CHST9: variants seen among roughly 807,000 people sequenced by gnomAD.
CHST9 encodes the protein carbohydrate sulfotransferase 9.
Under a neutral mutation model 44.4 loss-of-function variants are expected in CHST9, and 41 were observed. The observed-to-expected ratio is 0.92, with a 90% CI of 0.72 to 1.20. The LOEUF (loss-of-function observed/expected upper bound fraction) is 1.20. Ranked by LOEUF, CHST9 falls within the 50% of genes most tolerant of loss-of-function variation. CHST9 has a pLI of 0.00. For missense variants in CHST9, 504 were observed against 516.5 expected (o/e 0.98, Z 0.23); for synonymous variants, 171 against 178.4 (o/e 0.96, Z 0.33).
At chr18:27,161,957 C>A (rs2058750785) in intron 1 of CHST9, among the ~76,000 whole-genome samples, 1 of 151,540 alleles carries the variant, frequency 6.6e-6, no homozygotes, top group Non-Finnish European at 1.5e-5. Context: ...TTTCCATTTG[C>A]TTGGTAGATC....
intron 2 of CHST9, among the ~76,000 whole-genome samples, chr18:27,055,405 GTGGTAGGGTTT>G (rs2057643319): frequency 6.6e-6 from 1 of 152,124 alleles, no homozygotes; most frequent in African/African-American, 2.4e-5. Context: ...AAAGTGGAAG[GTGGTAGGGTTT>G]TGGTTCTGTT....
chr18:26,989,536 T>G (rs1333374602), intron 4 of CHST9, among the ~76,000 whole-genome samples: 2 of 152,188 alleles, frequency 1.3e-5, no homozygotes, highest in African/African-American at 4.8e-5. Context: ...CTTAAAAAAT[T>G]AAACATATAA....
At position 26,916,365 on chromosome 18, in the gene CHST9, A is replaced by C. The variant is rs771813887; in HGVS notation, c.1226T>G (p.Val409Gly). Residue 409 changes from valine (V) to glycine (G), a missense_variant, in exon 6 of 6, where the codon GTC becomes GGC. Transcript: ENST00000618847. ...HSSDERTNAQ[V>G]VRQYLKDLTR... ...CAGATCCTTTAAATACTGTCTCACGACTTGAGCATTGGTTCTTTCATCGGA... is the reference window on the plus strand; with the variant it reads ...CAGATCCTTTAAATACTGTCTCACGCCTTGAGCATTGGTTCTTTCATCGGA... 1 of 1,613,654 alleles carries C rather than the reference A, an allele frequency of 6.2e-7. No homozygotes were observed. Among genetic ancestry groups the C allele is most frequent in the South Asian group, 1.1e-5 (1 of 91,084 alleles).
At chr18:27,169,403 G>A (rs1388571562) in intron 1 of CHST9, among the ~76,000 whole-genome samples, 1 of 151,844 alleles carries the variant, frequency 6.6e-6, no homozygotes, top group African/African-American at 2.4e-5. Context: ...AAAATATAAG[G>A]CAAAAATTGA....
rs1187254232 is a variant in CHST9, at chr18:26,910,714, C to T, written c.*5545G>A. The T allele has an allele frequency of 6.6e-6, 1 of 152,188 alleles. No individual in the cohort carries two copies. Among genetic ancestry groups the T allele is most frequent in the Non-Finnish European group, 1.5e-5 (1 of 68,036 alleles). The allele number at this position is 152,188 out of a possible 1,614,324, so 9.4% of individuals were successfully genotyped here. A position where few individuals can be genotyped will look rare whatever the true frequency, so the allele number is the denominator to read the frequency against. On this transcript the variant is annotated 3_prime_UTR_variant, in exon 6 of 6. Transcript: ENST00000618847. ...GTGGGCTGCCAATGTATGGTCTCAGCTTTGGAGCCAGAGAGACTGTTATTA... is the reference window on the plus strand; with the variant it reads ...GTGGGCTGCCAATGTATGGTCTCAGTTTTGGAGCCAGAGAGACTGTTATTA...
chr18:26,985,040 A>G (rs549544923), intron 4 of CHST9, among the ~76,000 whole-genome samples: 22 of 152,226 alleles, frequency 1.4e-4, no homozygotes, highest in Non-Finnish European at 2.9e-4. Flanking sequence ...CATGTTCACC[A>G]AAAGATATTT....
chr18:27,166,032 G>A lies in CHST9; in HGVS notation c.-97+19104C>T, dbSNP rs572084390. Among the ~76,000 whole-genome samples the A allele has an allele frequency of 1.6e-3, 237 of 152,274 alleles. 1 individual carries two copies. The highest frequency in any genetic ancestry group is 2.7e-3 in the South Asian group (13 of 4,828). On this transcript the variant is annotated intron_variant, in intron 1 of 5. Transcript: ENST00000618847. ...AGGCTTCACAATCCTGGCTTCCACA[G>A]TGGTAATCATTGCTTTTTCAACCTT...
chr18:26,934,503 G>A (rs2055949298), intron 5 of CHST9: 1 of 152,192 alleles, frequency 6.6e-6, no homozygotes, highest in Admixed American at 6.6e-5. Context: ...CAAAGTGCTG[G>A]GATTACAGGC....
chr18:26,961,459 T>C (rs2056399018), intron 4 of CHST9, among the ~76,000 whole-genome samples: 2 of 152,140 alleles, frequency 1.3e-5, no homozygotes, highest in African/African-American at 2.4e-5. Flanking sequence ...TGACAGCAAC[T>C]GGCTCCATTG....
rs147784116 is a variant in CHST9, at chr18:27,016,856, T to C, written c.202+7260A>G. Among the ~76,000 whole-genome samples, 1,442 of 152,338 alleles carry C rather than the reference T, an allele frequency of 9.5e-3. 21 individuals carry two copies. Among genetic ancestry groups the C allele is most frequent in the African/African-American group, 0.033 (1,379 of 41,582 alleles). On this transcript the variant is annotated intron_variant, in intron 4 of 5. Coordinates refer to ENST00000618847, the MANE Select transcript of CHST9 (RefSeq NM_031422.6). ...TGATTTACAGTATTGAATCACTGTA[T>C]GCAATACATAATATTATTAGGAGAG...
intron 4 of CHST9, among the ~76,000 whole-genome samples, chr18:26,997,197 A>G (rs2056896664): frequency 6.6e-6 from 1 of 152,368 alleles, no homozygotes; most frequent in East Asian, 1.9e-4. Flanking sequence ...CTATTAATCA[A>G]TAAATGTTGG....
chr18:27,154,996 C>G (rs2058687272), intron 1 of CHST9, among the ~76,000 whole-genome samples: 1 of 151,150 alleles, frequency 6.6e-6, no homozygotes. Flanking sequence ...GCATGAGAAT[C>G]CCTTGAGCCT....
chr18:27,104,996 T>A (rs1384738566), intron 2 of CHST9, among the ~76,000 whole-genome samples: 1 of 152,160 alleles, frequency 6.6e-6, no homozygotes, highest in Non-Finnish European at 1.5e-5. Context: ...CGCCTTCCAG[T>A]AATTTATGGA....
At chr18:27,046,883 T>C (rs935973168) in intron 3 of CHST9, among the ~76,000 whole-genome samples, 1 of 152,066 alleles carries the variant, frequency 6.6e-6, no homozygotes, top group Admixed American at 6.6e-5. Context: ...TAGGGCAAAT[T>C]AGTAAAAATT....
At chr18:27,059,885 A>G (rs1268451696) in intron 2 of CHST9, among the ~76,000 whole-genome samples, 1 of 152,268 alleles carries the variant, frequency 6.6e-6, no homozygotes, top group Non-Finnish European at 1.5e-5. Flanking sequence ...GGAAGCCGAT[A>G]TTTCATGGAT....
chr18:26,959,869 G>A (rs1277530087), intron 4 of CHST9, among the ~76,000 whole-genome samples: 1 of 152,138 alleles, frequency 6.6e-6, no homozygotes, highest in African/African-American at 2.4e-5. Context: ...GAGGATGGGG[G>A]ATCCTGGCAA....
At chr18:27,160,020 G>C (rs1397729697) in intron 1 of CHST9, among the ~76,000 whole-genome samples, 1 of 152,174 alleles carries the variant, frequency 6.6e-6, no homozygotes, top group East Asian at 1.9e-4. Context: ...CTGAGACAAT[G>C]GGGTTTTCTA....
intron 4 of CHST9, among the ~76,000 whole-genome samples, chr18:26,962,568 G>A (rs1188164874): frequency 6.6e-6 from 1 of 152,184 alleles, no homozygotes; most frequent in Admixed American, 6.5e-5. Flanking sequence ...TGGGATTACA[G>A]GTGTGAGCCA....
intron 1 of CHST9, among the ~76,000 whole-genome samples, chr18:27,179,100 C>CTATATA (rs752919033): frequency 1.7e-5 from 2 of 118,814 alleles, no homozygotes; most frequent in African/African-American, 6.4e-5. Flanking sequence ...CTCTCTCTCT[C>CTATATA]TCTCTATATA....
Sources: allele counts gnomAD v4.1 joint callset (sites outside exome capture counted in the v4.1 genomes callset), GRCh38; gene constraint gnomAD v4.1.1; transcripts MANE v1.5; gene names NCBI Gene and HGNC (gene_info 2026-07-23, HGNC 2026-07-21).